ANKH: variants seen among roughly 807,000 people sequenced by gnomAD.
The protein encoded by ANKH is mineralization regulator ANKH.
Under a neutral mutation model 49.0 loss-of-function variants are expected in ANKH, and 15 were observed. That is an observed-to-expected ratio of 0.31 (90% CI 0.20 to 0.47). The LOEUF is 0.47. ANKH is among the 20% of genes least tolerant of loss of function. ANKH has a pLI of 1.00. For synonymous variants in ANKH, 273 were observed against 260.0 expected (o/e 1.05, Z -0.48); for missense variants, 429 against 652.0 (o/e 0.66, Z 3.72).
At position 14,787,699 on chromosome 5, in the gene ANKH, G is replaced by A. The variant is rs559025150; in HGVS notation, c.97-18508C>T. On this transcript the variant is annotated intron_variant, in intron 1 of 11. Transcript: ENST00000284268. ...TTTTCTAGGGTGCAAAGCCAAGGAA[G>A]CACCCGGCAAAGCAAAGGCTGACAG... 2.6e-5 allele frequency among the ~76,000 whole-genome samples: 4 copies of A among 152,344 alleles called. No individual in the cohort carries two copies. The East Asian group carries it at 7.7e-4, about 29-fold the overall frequency.
At chr5:14,825,979 T>C (rs918866897) in intron 1 of ANKH, 1 of 153,320 alleles carries the variant, frequency 6.5e-6, no homozygotes, top group African/African-American at 2.4e-5. Context: ...ATACAATCTA[T>C]GATTAAAATA....
chr5:14,826,468 C>T (rs945951104), intron 1 of ANKH, among the ~76,000 whole-genome samples: 1 of 152,160 alleles, frequency 6.6e-6, no homozygotes, highest in Non-Finnish European at 1.5e-5. Flanking sequence ...TGGATTCATG[C>T]CTTTTTGGTA....
chr5:14,871,558 C>T lies in ANKH; in HGVS notation c.-111G>A, dbSNP rs1002785423. 108 of 609,838 alleles carry T rather than the reference C, an allele frequency of 1.8e-4. No homozygotes were observed. The African/African-American group carries it at 2.0e-3, about 12-fold the overall frequency. 37.8% of individuals were successfully genotyped at this position (609,838 alleles called of 1,614,324 possible). On this transcript the variant is annotated 5_prime_UTR_variant, in exon 1 of 12. Coordinates refer to ENST00000284268, the MANE Select transcript of ANKH (RefSeq NM_054027.6). ...GAGCGGGGCGCGGGCCGACAGAGGC[C>T]GCGGGCGGCGGGGCCTCGGGCGCGG...
At chr5:14,844,922 T>A (rs1404909715) in intron 1 of ANKH, among the ~76,000 whole-genome samples, 1 of 152,156 alleles carries the variant, frequency 6.6e-6, no homozygotes, top group Admixed American at 6.6e-5. Context: ...AGGGTTGGTA[T>A]CAACTTTCTA....
chr5:14,746,983 C>A (rs1005884395), intron 6 of ANKH, among the ~76,000 whole-genome samples: 12 of 152,214 alleles, frequency 7.9e-5, no homozygotes, highest in African/African-American at 2.9e-4. Context: ...TTGAGCCACA[C>A]AGAACCCTCT....
At chr5:14,733,834 C>T (rs1348558062) in intron 8 of ANKH, among the ~76,000 whole-genome samples, 2 of 152,212 alleles carry the variant, frequency 1.3e-5, no homozygotes, top group Non-Finnish European at 2.9e-5. Flanking sequence ...AGGCCAGAGG[C>T]GCCACATCTT....
intron 1 of ANKH, among the ~76,000 whole-genome samples, chr5:14,771,931 A>C (rs201524735): frequency 4.9e-5 from 7 of 143,508 alleles, no homozygotes; most frequent in Admixed American, 1.4e-4. Context: ...GAAAAAAAAA[A>C]AAAAAAAAAA....
At chr5:14,741,766 C>G (rs1738363795) in intron 8 of ANKH, 61 bp downstream of exon 8, 1 of 1,264,710 alleles carries the variant, frequency 7.9e-7, no homozygotes, top group Non-Finnish European at 1.2e-6. Flanking sequence ...TTTAAAATAG[C>G]AACTTGCCCC....
At chr5:14,765,109 C>T (rs948627768) in intron 2 of ANKH, among the ~76,000 whole-genome samples, 7 of 152,174 alleles carry the variant, frequency 4.6e-5, no homozygotes, top group East Asian at 1.9e-4. Flanking sequence ...TGGCAAACCC[C>T]GGGCTCTGTA....
intron 8 of ANKH, among the ~76,000 whole-genome samples, chr5:14,738,997 C>T (rs1242998153): frequency 6.6e-5 from 10 of 152,192 alleles, no homozygotes; most frequent in Admixed American, 3.9e-4. Context: ...TAAAAGATGA[C>T]ATTGCAGACC....
At chr5:14,856,249 C>G (rs949856416) in intron 1 of ANKH, among the ~76,000 whole-genome samples, 1 of 151,610 alleles carries the variant, frequency 6.6e-6, no homozygotes, top group Non-Finnish European at 1.5e-5. Flanking sequence ...TCAAAAACAA[C>G]AAAAAAGAGA....
At position 14,737,246 on chromosome 5, in the gene ANKH, T is replaced by C. The variant is rs1738216199; in HGVS notation, c.1011+4581A>G. On this transcript the variant is annotated intron_variant, in intron 8 of 11. Transcript: ENST00000284268. This position sits in a 1 kb window ranked among gnomAD's most constrained non-coding sequence, Gnocchi z 5.0. Reference sequence around the variant, plus strand: ...GACATTTCTTCCCCACCAAAAGGACTGTTGGAAGATACAGCCCATGCCGGT... The same window carrying C: ...GACATTTCTTCCCCACCAAAAGGACCGTTGGAAGATACAGCCCATGCCGGT... Among the ~76,000 whole-genome samples, 1 of 152,182 alleles carries C rather than the reference T, an allele frequency of 6.6e-6. No homozygotes were observed. Among genetic ancestry groups the C allele is most frequent in the Non-Finnish European group, 1.5e-5 (1 of 68,030 alleles).
At position 14,709,859 on chromosome 5, in the gene ANKH, G is replaced by A. The variant is rs182918257; in HGVS notation, c.*1338C>T. ...TATTGAAAATGCGAAAATAGGAAATGTATTATAGCCTAAAATAAATTACAT... is the reference window on the plus strand; with the variant it reads ...TATTGAAAATGCGAAAATAGGAAATATATTATAGCCTAAAATAAATTACAT... On this transcript the variant is annotated 3_prime_UTR_variant, in exon 12 of 12. Coordinates refer to ENST00000284268, the MANE Select transcript of ANKH (RefSeq NM_054027.6). 2.9e-4 allele frequency: 45 copies of A among 152,728 alleles called. No individual in the cohort carries two copies. The East Asian group carries it at 6.4e-3, about 22-fold the overall frequency. 9.5% of individuals were successfully genotyped at this position (152,728 alleles called of 1,614,324 possible).
At chr5:14,846,878 T>C (rs899654397) in intron 1 of ANKH, among the ~76,000 whole-genome samples, 1 of 151,922 alleles carries the variant, frequency 6.6e-6, no homozygotes, top group African/African-American at 2.4e-5. Context: ...CATGGTGTTA[T>C]GCACCTGTAG....
At chr5:14,728,533 T>G (rs1331582772) in intron 8 of ANKH, among the ~76,000 whole-genome samples, 1 of 151,888 alleles carries the variant, frequency 6.6e-6, no homozygotes, top group African/African-American at 2.4e-5. Flanking sequence ...CCTCACGGCG[T>G]GGGGGTGGGG....
chr5:14,842,522 T>C (rs1219814173), intron 1 of ANKH, among the ~76,000 whole-genome samples: 9 of 152,178 alleles, frequency 5.9e-5, no homozygotes, highest in Admixed American at 5.2e-4. Flanking sequence ...GTTTGGCCTA[T>C]AGGACACAGA....
chr5:14,739,064 G>GT (rs1239213989), intron 8 of ANKH, among the ~76,000 whole-genome samples: 2 of 152,190 alleles, frequency 1.3e-5, no homozygotes, highest in Non-Finnish European at 2.9e-5. Flanking sequence ...AATGAATACA[G>GT]TAAGAGACAG....
chr5:14,816,904 G>C (rs1189743217), intron 1 of ANKH, among the ~76,000 whole-genome samples: 2 of 152,192 alleles, frequency 1.3e-5, no homozygotes, highest in Non-Finnish European at 2.9e-5. Context: ...CTGAGAGCTC[G>C]AGCTTTTACC....
At chr5:14,858,759 AAAAT>A (rs1561087749) in intron 1 of ANKH, among the ~76,000 whole-genome samples, 38 of 60,942 alleles carry the variant, frequency 6.2e-4, no homozygotes, top group South Asian at 3.3e-3. Context: ...ATAAATAAAT[AAAAT>A]AAAATAAAAT....
Sources: allele counts gnomAD v4.1 joint callset (sites outside exome capture counted in the v4.1 genomes callset), GRCh38; gene constraint gnomAD v4.1.1; non-coding constraint Gnocchi (gnomAD v3.1); transcripts MANE v1.5; gene names NCBI Gene and HGNC (gene_info 2026-07-23, HGNC 2026-07-21).